The following NSMCE2 variants were observed in gnomAD, a reference collection of about 807,000 sequenced individuals.
The protein encoded by NSMCE2 is E3 SUMO-protein ligase NSE2.
A neutral mutation model predicts 23.8 loss-of-function variants in NSMCE2; 24 were observed. The ratio of observed to expected loss-of-function variants is 1.01; its 90% CI spans 0.73 to 1.42. The LOEUF is 1.42. Among genes scored for constraint, NSMCE2 ranks in the 40% most tolerant of loss-of-function variants. NSMCE2 has a pLI of 0.00. For missense variants in NSMCE2, 284 were observed against 296.5 expected, an observed-to-expected ratio of 0.96 and a Z score of 0.31; for synonymous variants, 92 against 94.1, an observed-to-expected ratio of 0.98 and a Z score of 0.13.
At chr8:125,347,154 G>C (rs1478615804) in intron 5 of NSMCE2, among the ~76,000 whole-genome samples, 1 of 152,170 alleles carries the variant, frequency 6.6e-6, no homozygotes, top group Non-Finnish European at 1.5e-5. Context: ...TATGAAGTAA[G>C]TACCATTAGT....
chr8:125,190,432 A>G (rs946191748), intron 5 of NSMCE2, among the ~76,000 whole-genome samples: 33 of 152,206 alleles, frequency 2.2e-4, no homozygotes, highest in Non-Finnish European at 1.5e-5. Context: ...ATGAAGAGAA[A>G]ACATTGGAGA....
chr8:125,156,844 C>T (rs1016626927), intron 4 of NSMCE2, among the ~76,000 whole-genome samples: 2 of 152,200 alleles, frequency 1.3e-5, no homozygotes, highest in African/African-American at 4.8e-5. Flanking sequence ...TTGCTGTTCA[C>T]CCTTCATCAC....
chr8:125,232,371 AAAAG>A (rs957745222), intron 5 of NSMCE2, among the ~76,000 whole-genome samples: 2 of 152,124 alleles, frequency 1.3e-5, no homozygotes, highest in Admixed American at 6.6e-5. Context: ...CTCAAAAAAA[AAAAG>A]AAAGAAAGAA....
chr8:125,107,763 G>A (rs1818536232), intron 3 of NSMCE2, among the ~76,000 whole-genome samples: 1 of 152,178 alleles, frequency 6.6e-6, no homozygotes, highest in African/African-American at 2.4e-5. Flanking sequence ...GCTAGGCCTG[G>A]TGGCTGACAC....
At chr8:125,230,391 T>C (rs2130943452) in intron 5 of NSMCE2, among the ~76,000 whole-genome samples, 1 of 152,356 alleles carries the variant, frequency 6.6e-6, no homozygotes, top group East Asian at 1.9e-4. Flanking sequence ...GTTTTGGGTT[T>C]GGTTCAATTT....
intron 3 of NSMCE2, among the ~76,000 whole-genome samples, chr8:125,119,720 T>C (rs998899959): frequency 6.6e-6 from 1 of 152,182 alleles, no homozygotes; most frequent in Non-Finnish European, 1.5e-5. Context: ...AGACATAAAA[T>C]TTTACGTCTT....
chr8:125,329,794 C>T (rs1272749339), intron 5 of NSMCE2, among the ~76,000 whole-genome samples: 1 of 152,200 alleles, frequency 6.6e-6, no homozygotes, highest in Non-Finnish European at 1.5e-5. Context: ...CAACCTGCCT[C>T]ATAGAGTTGT....
intron 4 of NSMCE2, among the ~76,000 whole-genome samples, chr8:125,170,372 ATTTCTTTTTTTT>A (rs1822122281): frequency 4.1e-5 from 1 of 24,642 alleles, no homozygotes; most frequent in Non-Finnish European, 9.4e-5. Flanking sequence ...CTTACTCTTT[ATTTCTTTTTTTT>A]TTTTTTTTTT....
intron 5 of NSMCE2, among the ~76,000 whole-genome samples, chr8:125,329,043 A>G (rs1829779324): frequency 6.6e-6 from 1 of 152,208 alleles, no homozygotes; most frequent in African/African-American, 2.4e-5. Context: ...GTTGTGACCA[A>G]GACAGCTACT....
intron 3 of NSMCE2, among the ~76,000 whole-genome samples, chr8:125,104,098 C>T (rs545047608): frequency 6.6e-6 from 1 of 151,176 alleles, no homozygotes; most frequent in South Asian, 2.1e-4. Flanking sequence ...TCAAGCGATT[C>T]TCCTGCCTCA....
chr8:125,227,176 T>C (rs1045714466), intron 5 of NSMCE2, among the ~76,000 whole-genome samples: 5 of 152,196 alleles, frequency 3.3e-5, no homozygotes, highest in East Asian at 1.9e-4. Context: ...CATCCTCAAA[T>C]TGGGGGGCAG....
At position 125,270,464 on chromosome 8, in the gene NSMCE2, C is replaced by T. The variant is rs1488283547; in HGVS notation, c.419-86755C>T. The T allele has an allele frequency of 2.0e-5, 3 of 151,882 alleles. No individual in the cohort carries two copies. The East Asian group carries it at 5.8e-4, about 29-fold the overall frequency. The allele number at this position is 151,882 out of a possible 1,614,324, so 9.4% of individuals were successfully genotyped here. A position where few individuals can be genotyped will look rare whatever the true frequency, so the allele number is the denominator to read the frequency against. On this transcript the variant is annotated intron_variant, in intron 5 of 7. Transcript: ENST00000287437. ...TGGGTGACAGAGCGAGACTGTGTCT[C>T]AAAGCAAAAAACAAAACAAGACGAA... is the stretch of plus-strand genomic sequence containing the variant.
chr8:125,284,843 T>C (rs1827834333), intron 5 of NSMCE2, among the ~76,000 whole-genome samples: 1 of 152,236 alleles, frequency 6.6e-6, no homozygotes, highest in South Asian at 2.1e-4. Context: ...TGTCCCCTTT[T>C]CTGAGCTTAT....
chr8:125,120,862 G>A (rs936107750), intron 3 of NSMCE2, among the ~76,000 whole-genome samples: 10 of 152,190 alleles, frequency 6.6e-5, no homozygotes, highest in Non-Finnish European at 1.5e-4. Context: ...GAATTTCTTT[G>A]AAGGCCTTGT....
intron 3 of NSMCE2, among the ~76,000 whole-genome samples, chr8:125,129,945 C>G (rs1456062452): frequency 6.6e-6 from 1 of 152,146 alleles, no homozygotes; most frequent in Non-Finnish European, 1.5e-5. Flanking sequence ...AGGAACAACT[C>G]TGGTACATTC....
intron 5 of NSMCE2, among the ~76,000 whole-genome samples, chr8:125,316,532 A>G (rs35309384): frequency 0.085 from 12,974 of 152,272 alleles, 687 homozygotes; most frequent in South Asian, 0.15. Flanking sequence ...AGCAGGTCTT[A>G]GAATAACCGT....
At chr8:125,341,924 C>T (rs986956676) in intron 5 of NSMCE2, among the ~76,000 whole-genome samples, 1 of 135,480 alleles carries the variant, frequency 7.4e-6, no homozygotes, top group Non-Finnish European at 1.6e-5. Context: ...AAAAAAAAAC[C>T]TGTCTCTGCC....
At chr8:125,275,888 C>T (rs1216893219) in intron 5 of NSMCE2, among the ~76,000 whole-genome samples, 1 of 152,194 alleles carries the variant, frequency 6.6e-6, no homozygotes, top group East Asian at 1.9e-4. Flanking sequence ...CAAGTGTCTT[C>T]ACTTTTTCCA....
At chr8:125,281,745 CT>C (rs796070486) in intron 5 of NSMCE2, among the ~76,000 whole-genome samples, 7,156 of 142,606 alleles carry the variant, frequency 0.05, 312 homozygotes, top group African/African-American at 0.13. Context: ...ACGGCCGTAA[CT>C]TTTTTTTTTT....
Sources: allele counts gnomAD v4.1 joint callset (sites outside exome capture counted in the v4.1 genomes callset), GRCh38; gene constraint gnomAD v4.1.1; transcripts MANE v1.5; gene names NCBI Gene and HGNC (gene_info 2026-07-23, HGNC 2026-07-21).